NFIA: variants seen among roughly 807,000 people sequenced by gnomAD.
NFIA encodes the protein nuclear factor I A, also known as nuclear factor 1 A-type.
Under a neutral mutation model 62.8 loss-of-function variants are expected in NFIA, and 8 were observed. That is an observed-to-expected ratio of 0.13 (90% CI 0.07 to 0.23). NFIA has a LOEUF of 0.23. Among genes scored for constraint, NFIA ranks in the 10% least tolerant of loss-of-function variants. The pLI, the probability that NFIA is intolerant of heterozygous loss-of-function variation, is 1.00. For missense variants in NFIA, 410 were observed against 642.1 expected, an observed-to-expected ratio of 0.64 and a Z score of 3.91; for synonymous variants, 235 against 238.1, an observed-to-expected ratio of 0.99 and a Z score of 0.12.
intron 9 of NFIA, among the ~76,000 whole-genome samples, chr1:61,424,481 T>A (rs1307403292): frequency 1.3e-5 from 2 of 152,146 alleles, no homozygotes; most frequent in Non-Finnish European, 2.9e-5. Flanking sequence ...CACACTGTTC[T>A]ATCAGGGCCA....
intron 2 of NFIA, among the ~76,000 whole-genome samples, chr1:61,217,491 TC>T (rs1653708083): frequency 6.6e-6 from 1 of 152,198 alleles, no homozygotes; most frequent in South Asian, 2.1e-4. Flanking sequence ...TACTTTTTTC[TC>T]CTTAGCATTC....
intron 2 of NFIA, among the ~76,000 whole-genome samples, chr1:61,130,866 G>A (rs1647060322): frequency 6.6e-6 from 1 of 152,122 alleles, no homozygotes; most frequent in African/African-American, 2.4e-5. Context: ...TTAATTTTAA[G>A]TGGTTCTACT....
chr1:61,299,304 A>G (rs1334349671), intron 3 of NFIA, among the ~76,000 whole-genome samples: 2 of 151,598 alleles, frequency 1.3e-5, no homozygotes, highest in African/African-American at 2.4e-5. Context: ...AATCTTTTGA[A>G]CTCTCTTCTG....
chr1:61,410,199 G>C (rs1420621770), intron 9 of NFIA, among the ~76,000 whole-genome samples: 1 of 152,056 alleles, frequency 6.6e-6, no homozygotes, highest in African/African-American at 2.4e-5. Flanking sequence ...GGTCCAGTGT[G>C]GGCCTCCAGG....
chr1:61,278,303 A>G (rs187285202), intron 3 of NFIA, among the ~76,000 whole-genome samples: 5 of 152,364 alleles, frequency 3.3e-5, no homozygotes, highest in Admixed American at 3.3e-4. Context: ...GAATAAAACT[A>G]TCGGTTTCAA....
intron 3 of NFIA, among the ~76,000 whole-genome samples, chr1:61,332,260 C>T (rs941362946): frequency 2.4e-4 from 36 of 152,182 alleles, no homozygotes; most frequent in African/African-American, 2.6e-4. Flanking sequence ...TTCATATTTC[C>T]GGTTGAATTT....
chr1:61,216,293 A>G (rs146314188), intron 2 of NFIA, among the ~76,000 whole-genome samples: 20 of 152,192 alleles, frequency 1.3e-4, no homozygotes, highest in African/African-American at 4.3e-4. Context: ...GTAGTTTTTA[A>G]TGTCTTGGGA....
At chr1:61,368,459 A>G (rs958013498) in intron 6 of NFIA, among the ~76,000 whole-genome samples, 5 of 152,252 alleles carry the variant, frequency 3.3e-5, no homozygotes, top group African/African-American at 1.2e-4. Context: ...TAAGAATTTT[A>G]AAAGTTAGTC....
At chr1:61,311,630 A>T (rs1660121961) in intron 3 of NFIA, among the ~76,000 whole-genome samples, 1 of 152,186 alleles carries the variant, frequency 6.6e-6, no homozygotes, top group African/African-American at 2.4e-5. Context: ...AAATGTATCC[A>T]GACATTGCCA....
intron 10 of NFIA, among the ~76,000 whole-genome samples, chr1:61,436,917 G>A (rs1042426602): frequency 1.4e-4 from 21 of 152,198 alleles, no homozygotes; most frequent in Admixed American, 1.3e-4. Flanking sequence ...TGAGTCACAT[G>A]AGCTTGTGAT....
intron 2 of NFIA, among the ~76,000 whole-genome samples, chr1:61,189,780 T>C (rs901115218): frequency 6.6e-6 from 1 of 152,206 alleles, no homozygotes; most frequent in Non-Finnish European, 1.5e-5. Context: ...TTTGCCTATA[T>C]TAAAAAGACT....
intron 2 of NFIA, among the ~76,000 whole-genome samples, chr1:61,185,183 A>G (rs1651078894): frequency 6.6e-6 from 1 of 152,014 alleles, no homozygotes. Flanking sequence ...CCTGTTAATT[A>G]CTCTTGTGAC....
intron 3 of NFIA, among the ~76,000 whole-genome samples, chr1:61,322,650 T>C (rs1473567763): frequency 1.3e-5 from 2 of 152,252 alleles, no homozygotes; most frequent in Non-Finnish European, 2.9e-5. Context: ...TTTCTGGCTA[T>C]CAACCACGTA....
rs140049539 is a variant in NFIA, at chr1:61,441,080, C to CTGAAA, written c.1513-14220_1513-14216dup. 4.2e-3 allele frequency among the ~76,000 whole-genome samples: 645 copies of CTGAAA among 152,266 alleles called. 3 individuals carry two copies. The highest frequency in any genetic ancestry group is 0.014 in the African/African-American group (593 of 41,546). ...AAAGCTAATCAGAGACAGAGCAGGA[C>CTGAAA]TGAAATGCAGGGACCTGTTATGAGT... is the stretch of plus-strand genomic sequence containing the variant. On this transcript the variant is annotated intron_variant, in intron 10 of 10. Transcript: ENST00000403491.
In NFIA at chr1:61,088,050, T is replaced by G; in HGVS notation, c.28-99T>G. The G allele has an allele frequency of 8.1e-7, 1 of 1,240,040 alleles. No homozygotes were observed. The highest frequency in any genetic ancestry group is 2.4e-5 in the Admixed American group (1 of 41,146). The allele number at this position is 1,240,040 out of a possible 1,614,324, so 76.8% of individuals were successfully genotyped here. On this transcript the variant is annotated intron_variant, in intron 1 of 10. Coordinates refer to ENST00000403491, the MANE Select transcript of NFIA (RefSeq NM_001134673.4). This position sits in a 1 kb window ranked among gnomAD's most constrained non-coding sequence, Gnocchi z 4.5. ...CAGAATGCTCTAATCAAATTTCAAG[T>G]GAAATGAGGAATTTCTTTCTTAAGG...
chr1:61,153,555 C>T (rs1648575576), intron 2 of NFIA, among the ~76,000 whole-genome samples: 1 of 152,164 alleles, frequency 6.6e-6, no homozygotes. Context: ...TAACTGAACA[C>T]ACAAATGAGC....
At chr1:61,386,900 G>A (rs929749028) in intron 7 of NFIA, among the ~76,000 whole-genome samples, 1 of 152,178 alleles carries the variant, frequency 6.6e-6, no homozygotes, top group Non-Finnish European at 1.5e-5. Context: ...GGCAGCTTCT[G>A]TGTCTGGTGA....
At chr1:61,311,618 A>G (rs983280738) in intron 3 of NFIA, among the ~76,000 whole-genome samples, 2 of 152,164 alleles carry the variant, frequency 1.3e-5, no homozygotes, top group African/African-American at 4.8e-5. Flanking sequence ...AGTAACAACC[A>G]GAAATGTATC....
chr1:61,088,566 C>T lies in NFIA; in HGVS notation c.445C>T (p.Arg149Cys), dbSNP rs1646260988. 1.9e-6 allele frequency: 3 copies of T among 1,614,034 alleles called. No individual in the cohort carries two copies. Among genetic ancestry groups the T allele is most frequent in the African/African-American group, 1.3e-5 (1 of 74,918 alleles). Residue 149 changes from arginine to cysteine, a missense_variant, in exon 2 of 11, where the codon CGC becomes TGC. By Grantham distance (180) the Arg-to-Cys change is radical. Around this residue, in one of 3 missense-constraint regions of NFIA, gnomAD observed 26 missense variants for 79.4 expected, o/e 0.33. Coordinates refer to ENST00000403491, the MANE Select transcript of NFIA (RefSeq NM_001134673.4). This position sits in a 1 kb window ranked among gnomAD's most constrained non-coding sequence, Gnocchi z 4.5. ...GIPLESTDGE[R>C]LVKSPQCSNP... ...TCCGCTGGAAAGTACTGATGGCGAGCGCCTTGTAAAGTCCCCACAATGCTC... is the reference window on the plus strand; with the variant it reads ...TCCGCTGGAAAGTACTGATGGCGAGTGCCTTGTAAAGTCCCCACAATGCTC...
Sources: gnomAD v4.1 joint callset for allele counts (sites outside exome capture counted in the v4.1 genomes callset) on GRCh38, gnomAD v4.1.1 for gene constraint, gnomAD v4.1.1 regional missense constraint, Gnocchi (gnomAD v3.1) non-coding constraint, MANE v1.5 for transcripts, NCBI Gene and HGNC (gene_info 2026-07-23, HGNC 2026-07-21) for gene names.